MYH3: variants seen among roughly 807,000 people sequenced by gnomAD.
The protein encoded by MYH3 is myosin-3.
In MYH3, 130 loss-of-function variants were observed where a neutral mutation model predicts 238.0. The observed-to-expected ratio is 0.55, with a 90% CI of 0.47 to 0.63. The LOEUF (loss-of-function observed/expected upper bound fraction) is 0.63, where lower values mean the gene tolerates loss of function less well. Ranked by LOEUF, MYH3 falls within the 30% of genes least tolerant of loss-of-function variation. The pLI is 0.00. For missense variants in MYH3, 1,853 were observed against 2,374.9 expected (o/e 0.78, Z 4.57); for synonymous variants, 880 against 924.1 (o/e 0.95, Z 0.86).
chr17:10,642,728 A>G lies in MYH3; in HGVS notation c.1582-5T>C, dbSNP rs760093946. 1 of 1,614,190 alleles carries G rather than the reference A, an allele frequency of 6.2e-7. No homozygotes were observed. The highest frequency in any genetic ancestry group is 8.5e-7 in the Non-Finnish European group (1 of 1,180,040). On this transcript the variant is annotated splice_region_variant and splice_polypyrimidine_tract_variant and intron_variant, in intron 15 of 40. Transcript: ENST00000583535. The surrounding 1 kb of genome is among the most constrained non-coding windows in gnomAD (Gnocchi z 5.4). Reference sequence around the variant, plus strand: ...GATGGAGAAGATGCCCATAGGCTGGATTGAAGGCAAGGCAAAGTGCAGAGA... The same window carrying G: ...GATGGAGAAGATGCCCATAGGCTGGGTTGAAGGCAAGGCAAAGTGCAGAGA...
In MYH3 at chr17:10,640,759, C is replaced by T. The variant is rs1193205145; in HGVS notation, c.2166-73G>A. Reference sequence around the variant, plus strand: ...AACCTTGGAGAACATGTAGTTCAGGCCTCTCTTCCTATAGGCAGAAGGCCA... The same window carrying T: ...AACCTTGGAGAACATGTAGTTCAGGTCTCTCTTCCTATAGGCAGAAGGCCA... On this transcript the variant is annotated intron_variant, in intron 19 of 40. Coordinates refer to ENST00000583535, the MANE Select transcript of MYH3 (RefSeq NM_002470.4). 1.2e-5 allele frequency: 18 copies of T among 1,553,702 alleles called. No individual in the cohort carries two copies. In the East Asian group the frequency reaches 4.2e-4, roughly 36 times the overall value.
Position 10,631,484 on chromosome 17 carries a change from G to A in MYH3, c.5286+127C>T, listed in dbSNP as rs1385317608. On this transcript the variant is annotated intron_variant, in intron 36 of 40. Coordinates refer to ENST00000583535, the MANE Select transcript of MYH3 (RefSeq NM_002470.4). ...GGAACAGGGGAGTTTGAGCGGAGATGGGAGCCCTCGGGGAGCAGAATGTGC... is the reference window on the plus strand; with the variant it reads ...GGAACAGGGGAGTTTGAGCGGAGATAGGAGCCCTCGGGGAGCAGAATGTGC... 4 of 1,392,320 alleles carry A rather than the reference G, an allele frequency of 2.9e-6. No individual in the cohort carries two copies. The Admixed American group carries it at 5.5e-5, about 19-fold the overall frequency. The allele number at this position is 1,392,320 out of a possible 1,614,324, so 86.2% of individuals were successfully genotyped here.
chr17:10,667,256 T>C, the MYH3 span, among the ~76,000 whole-genome samples: 3 of 152,240 alleles, frequency 2.0e-5, no homozygotes, highest in Non-Finnish European at 2.9e-5. Flanking sequence ...ACTAAAATAC[T>C]GTGAGCATAA....
chr17:10,629,911 C>G lies in MYH3; in HGVS notation c.5589G>C (p.Leu1863=), dbSNP rs199982682. Residue 1863 remains leucine, a synonymous_variant, in exon 39 of 41, where the codon CTG becomes CTC. Coordinates refer to ENST00000583535, the MANE Select transcript of MYH3 (RefSeq NM_002470.4). The stretch of plus-strand genomic sequence containing the variant: ...GTTTATCCACCAGATCCTGCAATCT[C>G]AGCACATTCTTCCTGTCCTCTTCAC... ...YQSEEDRKNV[L]RLQDLVDKLQ... is the part of the protein sequence containing the mutation. The G allele has an allele frequency of 3.2e-5, 51 of 1,614,200 alleles. No individual in the cohort carries two copies. Among genetic ancestry groups the G allele is most frequent in the Admixed American group, 2.5e-4 (15 of 60,020 alleles).
In MYH3 at chr17:10,652,679, T is replaced by C. The variant is rs2074389621; in HGVS notation, c.205-116A>G. 23 of 1,176,908 alleles carry C rather than the reference T, an allele frequency of 2.0e-5. No homozygotes were observed. In the South Asian group the frequency reaches 2.4e-4, roughly 12 times the overall value. The allele number at this position is 1,176,908 out of a possible 1,614,324, so 72.9% of individuals were successfully genotyped here. Reference sequence around the variant, plus strand: ...CTTTGTCGCCCAGGCTGGAGTGCAGTGATGCGATCTCGGCTCACTGCAAGC... The same window carrying C: ...CTTTGTCGCCCAGGCTGGAGTGCAGCGATGCGATCTCGGCTCACTGCAAGC... On this transcript the variant is annotated intron_variant, in intron 3 of 40. Transcript: ENST00000583535.
chr17:10,634,801 A>T (rs373299171), intron 31 of MYH3, 39 bp downstream of exon 31: 1 of 1,611,742 alleles, frequency 6.2e-7, no homozygotes, highest in African/African-American at 1.3e-5. Context: ...GGAATCCCTT[A>T]CATCATGGCA....
In MYH3 at chr17:10,639,623, G is replaced by A. The variant is rs760903257; in HGVS notation, c.2862C>T (p.Asp954=). 56 of 1,614,084 alleles carry A rather than the reference G, an allele frequency of 3.5e-5. 1 individual carries two copies. In the South Asian group the frequency reaches 4.1e-4, roughly 12 times the overall value. ...LEDECSELKK[D]IDDLELTLAK... The stretch of plus-strand genomic sequence containing the variant: ...CCAGGGTCAACTCAAGGTCATCAAT[G>A]TCTTTCTTGAGCTCTGAGCATTCAT... Residue 954 remains aspartate (D), a synonymous_variant, in exon 23 of 41, where the codon GAC becomes GAT. Coordinates refer to ENST00000583535, the MANE Select transcript of MYH3 (RefSeq NM_002470.4).
intron 28 of MYH3, 138 bp downstream of exon 28, chr17:10,637,671 T>C: frequency 5.8e-6 from 7 of 1,196,982 alleles, no homozygotes; most frequent in Middle Eastern, 2.7e-4. Context: ...TTCTATGAGT[T>C]ATTTCAATTT....
At chr17:10,655,503 A>C (rs1416874384) in intron 2 of MYH3, among the ~76,000 whole-genome samples, 1 of 152,180 alleles carries the variant, frequency 6.6e-6, no homozygotes, top group African/African-American at 2.4e-5. Context: ...CAGCAAAGAT[A>C]TTTTTGAACC....
the MYH3 span, among the ~76,000 whole-genome samples, chr17:10,667,267 C>T: frequency 2.6e-5 from 4 of 152,274 alleles, no homozygotes; most frequent in South Asian, 4.2e-4. Flanking sequence ...GTGAGCATAA[C>T]GATATTTATT....
At chr17:10,628,823 G>A in intron 40 of MYH3, 144 bp from the exon 41 acceptor site, 2 of 865,504 alleles carry the variant, frequency 2.3e-6, no homozygotes, top group Non-Finnish European at 1.9e-6. Context: ...ACGCACGATT[G>A]CACACATGAA....
intron 28 of MYH3, among the ~76,000 whole-genome samples, 190 bp from the exon 29 acceptor site, chr17:10,636,043 G>A (rs1045903956): frequency 3.3e-5 from 5 of 152,256 alleles, no homozygotes; most frequent in African/African-American, 1.2e-4. Context: ...TATTGTTGTA[G>A]GCCAGGTGCA....
Position 10,635,750 on chromosome 17 carries a change from C to T in MYH3, c.3960G>A (p.Leu1320=). Residue 1320 remains leucine, a synonymous_variant, in exon 29 of 41, where the codon CTG becomes CTA. Transcript: ENST00000583535. The stretch of plus-strand genomic sequence containing the variant: ...AATGGTGTACCTTGTTCTCTTCCTC[C>T]AGCTGCCTCTTGAGCTCTTCTGTTT... ...TQQTEELKRQ[L]EEENKAKNAL... The T allele has an allele frequency of 6.2e-7, 1 of 1,614,074 alleles. No homozygotes were observed. Among genetic ancestry groups the T allele is most frequent in the Non-Finnish European group, 8.5e-7 (1 of 1,179,920 alleles).
the MYH3 span, among the ~76,000 whole-genome samples, chr17:10,664,183 C>T: frequency 6.6e-6 from 1 of 151,316 alleles, no homozygotes; most frequent in Non-Finnish European, 1.5e-5. Flanking sequence ...TAAAAACTCA[C>T]TGTTAATGCA....
rs187870737 is a variant in MYH3, at chr17:10,642,098, C to A, written c.1959+142G>T. On this transcript the variant is annotated intron_variant, in intron 17 of 40. Transcript: ENST00000583535. The surrounding 1 kb of genome is among the most constrained non-coding windows in gnomAD (Gnocchi z 5.4). Reference sequence around the variant, plus strand: ...TTAGACCGTATTTATTATATTTTATCATCTGTCACTTCACCTCAGTGACAG... The same window carrying A: ...TTAGACCGTATTTATTATATTTTATAATCTGTCACTTCACCTCAGTGACAG... 2.9e-4 allele frequency: 217 copies of A among 740,814 alleles called. 1 individual carries two copies. The East Asian group carries it at 4.0e-3, about 14-fold the overall frequency. 45.9% of individuals were successfully genotyped at this position (740,814 alleles called of 1,614,324 possible).
chr17:10,632,910 T>G, intron 33 of MYH3, 126 bp from the exon 34 acceptor site: 2 of 1,153,372 alleles, frequency 1.7e-6, no homozygotes, highest in Non-Finnish European at 2.6e-6. Flanking sequence ...CACAATTCAC[T>G]TTTTAAATGT....
upstream of MYH3, chr17:10,658,625 C>T (rs906688949): frequency 6.6e-6 from 1 of 152,278 alleles, no homozygotes; most frequent in African/African-American, 2.4e-5. Context: ...ATTGAAGCAA[C>T]AAGTTTATGA....
rs1052829208 is a variant in MYH3, at chr17:10,630,075, G to A, written c.5562+17C>T. 1.1e-5 allele frequency: 17 copies of A among 1,611,472 alleles called. No homozygotes were observed. Among genetic ancestry groups the A allele is most frequent in the East Asian group, 2.2e-5 (1 of 44,874 alleles). ...ACGTCACAGAGGACACGATCATGGC[G>A]TTTGCGTTCCACTTACCTGGTACGT... On this transcript the variant is annotated intron_variant, in intron 38 of 40. Coordinates refer to ENST00000583535, the MANE Select transcript of MYH3 (RefSeq NM_002470.4).
chr17:10,664,936 G>C, the MYH3 span, among the ~76,000 whole-genome samples: 2 of 152,158 alleles, frequency 1.3e-5, no homozygotes, highest in Non-Finnish European at 2.9e-5. Flanking sequence ...CAATGACATA[G>C]ACAAGGAAGC....
Sources: gnomAD v4.1 joint callset for allele counts (sites outside exome capture counted in the v4.1 genomes callset) on GRCh38, gnomAD v4.1.1 for gene constraint, Gnocchi (gnomAD v3.1) non-coding constraint, MANE v1.5 for transcripts, NCBI Gene and HGNC (gene_info 2026-07-23, HGNC 2026-07-21) for gene names.